Variants in NDRG4 observed in about 807,000 individuals in gnomAD.
NDRG4 encodes the protein protein NDRG4.
Under a neutral mutation model 55.8 loss-of-function variants are expected in NDRG4, and 38 were observed. That is an observed-to-expected ratio of 0.68 (90% CI 0.53 to 0.89). NDRG4 has a LOEUF of 0.89. NDRG4 is among the 40% of genes least tolerant of loss of function. The pLI, the probability that NDRG4 is intolerant of heterozygous loss-of-function variation, is 0.00. For missense variants in NDRG4, 455 were observed against 468.6 expected (o/e 0.97, Z 0.27); for synonymous variants, 190 against 182.7 (o/e 1.04, Z -0.32).
intron 1 of NDRG4, among the ~76,000 whole-genome samples, chr16:58,482,349 C>T (rs1251977049): frequency 6.6e-6 from 1 of 152,182 alleles, no homozygotes; most frequent in African/African-American, 2.4e-5. Context: ...CTTGTTTGGC[C>T]TCTTCCTGTC....
At chr16:58,470,547 C>T (rs1276995898) in intron 1 of NDRG4, among the ~76,000 whole-genome samples, 1 of 152,184 alleles carries the variant, frequency 6.6e-6, no homozygotes, top group Non-Finnish European at 1.5e-5. Flanking sequence ...GATTGGGGAT[C>T]TTGAGTTGGA....
At chr16:58,479,594 A>G (rs1032581393) in intron 1 of NDRG4, among the ~76,000 whole-genome samples, 2 of 152,218 alleles carry the variant, frequency 1.3e-5, no homozygotes, top group Non-Finnish European at 2.9e-5. Flanking sequence ...ACTTTCCCAG[A>G]ACCTCACCAA....
chr16:58,501,065 G>A, intron 1 of NDRG4: 1 of 1,236,304 alleles, frequency 8.1e-7, no homozygotes, highest in Non-Finnish European at 1.0e-6. Context: ...ACCTCCTCTC[G>A]CCGGGGCATC....
At chr16:58,510,809 T>G (rs2038708148) in intron 14 of NDRG4, 126 bp downstream of exon 14, 1 of 876,594 alleles carries the variant, frequency 1.1e-6, no homozygotes, top group Non-Finnish European at 1.8e-6. Context: ...TGTGTCCTGT[T>G]CAACTCAGAA....
rs1283814377 is a variant in NDRG4 at position 58,513,539 on chromosome 16, ATCTT to A, written c.*1967_*1970del. The stretch of plus-strand genomic sequence containing the variant: ...TGCTAGGAGAGGATGGTCTCCACCC[ATCTT>A]TCTATTTCCAGTACACGTCACATTA... On this transcript the variant is annotated 3_prime_UTR_variant, in exon 15 of 15. Coordinates refer to ENST00000570248, the MANE Select transcript of NDRG4 (RefSeq NM_001242835.2). 1.3e-5 allele frequency: 2 copies of A among 151,988 alleles called. No homozygotes were observed. The highest frequency in any genetic ancestry group is 1.3e-4 in the Admixed American group (2 of 15,240). The allele number at this position is 151,988 out of a possible 1,614,324, so 9.4% of individuals were successfully genotyped here.
chr16:58,476,911 G>A (rs1253527343), intron 1 of NDRG4, among the ~76,000 whole-genome samples: 1 of 151,978 alleles, frequency 6.6e-6, no homozygotes, highest in Non-Finnish European at 1.5e-5. Flanking sequence ...ACCCCTGAAT[G>A]ACAGGAACTC....
At chr16:58,494,938 C>T (rs1441720952) in intron 2 of NDRG4, 3 of 1,612,856 alleles carry the variant, frequency 1.9e-6, no homozygotes, top group South Asian at 1.1e-5. Context: ...CCTAACTTGC[C>T]ACCCCCTCTG....
rs1240130755 is a variant in NDRG4, at chr16:58,511,924, A to G, written c.*348A>G. On this transcript the variant is annotated 3_prime_UTR_variant, in exon 15 of 15. Coordinates refer to ENST00000570248, the MANE Select transcript of NDRG4 (RefSeq NM_001242835.2). ...TTGGGCAGGCATGTTTGGAGATGAG[A>G]GAGGCTTCGAGAGGGTGGGTGCTGG... 12 of 445,080 alleles carry G rather than the reference A, an allele frequency of 2.7e-5. No homozygotes were observed. Among genetic ancestry groups the G allele is most frequent in the Non-Finnish European group, 4.4e-5 (10 of 226,976 alleles). 27.6% of individuals were successfully genotyped at this position (445,080 alleles called of 1,614,324 possible).
rs775264271 is a variant in NDRG4 at position 58,511,471 on chromosome 16, C to T, written c.954C>T (p.Leu318=). ...TRLARSRTAS[L]TSASSVDGSR... ...TGGCACGCTCCCGCACTGCATCCCT[C>T]ACCAGTGCCAGCTCGGTGGATGGCA... is the stretch of plus-strand genomic sequence containing the variant. Residue 318 remains leucine (L), a synonymous_variant, in exon 15 of 15, where the codon CTC becomes CTT. Coordinates refer to ENST00000570248, the MANE Select transcript of NDRG4 (RefSeq NM_001242835.2). 36 of 1,612,774 alleles carry T rather than the reference C, an allele frequency of 2.2e-5. No individual in the cohort carries two copies. Among genetic ancestry groups the T allele is most frequent in the Non-Finnish European group, 3.0e-5 (35 of 1,179,942 alleles).
In NDRG4 at chr16:58,464,854, C is replaced by T; in HGVS notation, c.-24+1057C>T. 1.6e-6 allele frequency: 2 copies of T among 1,215,280 alleles called. No individual in the cohort carries two copies. The highest frequency in any genetic ancestry group is 1.0e-6 in the Non-Finnish European group (1 of 965,276). The allele number at this position is 1,215,280 out of a possible 1,614,324, so 75.3% of individuals were successfully genotyped here. A position where few individuals can be genotyped will look rare whatever the true frequency, so the allele number is the denominator to read the frequency against. On this transcript the variant is annotated intron_variant, in intron 1 of 15. Coordinates refer to the NDRG4 transcript ENST00000258187. The surrounding 1 kb of genome is among the most constrained non-coding windows in gnomAD (Gnocchi z 4.8). ...GCCATGGACCTCTTATTTCTGCGCC[C>T]TGTGACAATCTGAGCCGTCTTTCTC...
At chr16:58,485,080 C>A (rs1470988758) in intron 1 of NDRG4, among the ~76,000 whole-genome samples, 3 of 152,002 alleles carry the variant, frequency 2.0e-5, no homozygotes, top group African/African-American at 7.3e-5. Context: ...GACGGGGTTT[C>A]ACCAGGTTAG....
rs58901035 is a variant in NDRG4 at position 58,492,489 on chromosome 16, CGT to C, written c.73-2413_73-2412del. Among the ~76,000 whole-genome samples the C allele has an allele frequency of 9.6e-3, 1,189 of 123,990 alleles. 12 individuals are homozygous for C. The highest frequency in any genetic ancestry group is 0.043 in the East Asian group (177 of 4,072). The allele number at this position is 123,990 out of a possible 152,430, so 81.3% of individuals were successfully genotyped here. A position where few individuals can be genotyped will look rare whatever the true frequency, so the allele number is the denominator to read the frequency against. On this transcript the variant is annotated intron_variant, in intron 2 of 15. Coordinates refer to the NDRG4 transcript ENST00000258187. ...CACACCCTGCCATTATCTGCTCCAC[CGT>C]GTGTGTGTGTGTGTGTGTGTGTGTG...
intron 1 of NDRG4, among the ~76,000 whole-genome samples, chr16:58,476,764 G>T (rs764617257): frequency 6.6e-6 from 1 of 152,120 alleles, no homozygotes; most frequent in Admixed American, 6.6e-5. Context: ...CATTGGACTC[G>T]AAATGTGAAA....
intron 2 of NDRG4, among the ~76,000 whole-genome samples, chr16:58,490,970 C>G (rs560657723): frequency 1.3e-5 from 2 of 150,974 alleles, no homozygotes; most frequent in East Asian, 3.9e-4. Context: ...GAGCGAGGCT[C>G]TGTCTCAAAA....
intron 2 of NDRG4, among the ~76,000 whole-genome samples, chr16:58,492,703 G>T (rs978682400): frequency 6.6e-6 from 1 of 152,044 alleles, no homozygotes; most frequent in Non-Finnish European, 1.5e-5. Flanking sequence ...GACCACGCCC[G>T]GCCTTCTTTT....
At chr16:58,479,911 C>A (rs1362429997) in intron 1 of NDRG4, among the ~76,000 whole-genome samples, 1 of 152,192 alleles carries the variant, frequency 6.6e-6, no homozygotes, top group Non-Finnish European at 1.5e-5. Context: ...CAGACCTTCG[C>A]CCACTTTTCC....
chr16:58,505,927 G>A, intron 5 of NDRG4: 2 of 271,146 alleles, frequency 7.4e-6, no homozygotes, highest in South Asian at 6.8e-5. Flanking sequence ...TCACCATGTT[G>A]GCTAGGCTGG....
At chr16:58,493,704 G>T (rs2036053141) in intron 2 of NDRG4, among the ~76,000 whole-genome samples, 1 of 152,236 alleles carries the variant, frequency 6.6e-6, no homozygotes, top group Non-Finnish European at 1.5e-5. Context: ...TGAGTGAGCT[G>T]CCCGGGAGTT....
chr16:58,504,828 C>CT, intron 5 of NDRG4, 179 bp downstream of exon 5: 2 of 635,332 alleles, frequency 3.1e-6, no homozygotes, highest in Non-Finnish European at 5.5e-6. Context: ...GGGAAATTAA[C>CT]TTTTTTAAAA....
Sources: gnomAD v4.1 joint callset for allele counts (sites outside exome capture counted in the v4.1 genomes callset) on GRCh38, gnomAD v4.1.1 for gene constraint, Gnocchi (gnomAD v3.1) non-coding constraint, MANE v1.5 for transcripts, NCBI Gene and HGNC (gene_info 2026-07-23, HGNC 2026-07-21) for gene names.